FRMD4A: variants seen among roughly 807,000 people sequenced by gnomAD.
FRMD4A encodes FERM domain-containing protein 4A.
FRMD4A carries 29 observed loss-of-function variants against 129.1 expected under a neutral mutation model. The ratio of observed to expected loss-of-function variants is 0.22; its 90% CI spans 0.17 to 0.31. The LOEUF is 0.31. Among genes scored for constraint, FRMD4A ranks in the 10% least tolerant of loss-of-function variants. FRMD4A has a pLI of 1.00. For missense variants in FRMD4A, 1,272 were observed against 1,375.8 expected, an observed-to-expected ratio of 0.92 and a Z score of 1.19; for synonymous variants, 634 against 571.6, an observed-to-expected ratio of 1.11 and a Z score of -1.56.
At chr10:13,956,595 G>A (rs2095411494) in intron 2 of FRMD4A, among the ~76,000 whole-genome samples, 1 of 152,218 alleles carries the variant, frequency 6.6e-6, no homozygotes, top group African/African-American at 2.4e-5. Context: ...GTGTCAGTCT[G>A]ACACTGAAGT....
At chr10:13,739,359 A>G (rs1391632456) in intron 11 of FRMD4A, among the ~76,000 whole-genome samples, 1 of 152,230 alleles carries the variant, frequency 6.6e-6, no homozygotes, top group Non-Finnish European at 1.5e-5. Context: ...GCAACAGCAG[A>G]TTGACCAGAG....
At chr10:13,726,465 G>A (rs1244363342) in intron 12 of FRMD4A, among the ~76,000 whole-genome samples, 2 of 152,124 alleles carry the variant, frequency 1.3e-5, no homozygotes, top group Non-Finnish European at 2.9e-5. Context: ...GCAAAACAAC[G>A]AAGTAGGATC....
intron 2 of FRMD4A, among the ~76,000 whole-genome samples, chr10:13,938,119 T>C (rs958492191): frequency 6.6e-6 from 1 of 152,364 alleles, no homozygotes; most frequent in Non-Finnish European, 1.5e-5. Flanking sequence ...TTCTAATTTT[T>C]AAAGACCTTC....
chr10:14,286,722 G>A (rs1208296225), intron 2 of FRMD4A, among the ~76,000 whole-genome samples: 2 of 152,134 alleles, frequency 1.3e-5, no homozygotes, highest in South Asian at 2.1e-4. Context: ...CCAGCATGAG[G>A]AGTATGAAAA....
At chr10:13,941,110 T>C (rs909513153) in intron 2 of FRMD4A, among the ~76,000 whole-genome samples, 4 of 152,180 alleles carry the variant, frequency 2.6e-5, no homozygotes, top group African/African-American at 7.2e-5. Flanking sequence ...TTTGGCTGTG[T>C]CCCCACCCAA....
chr10:13,992,478 C>T (rs1053553799), intron 2 of FRMD4A, among the ~76,000 whole-genome samples: 3 of 152,306 alleles, frequency 2.0e-5, no homozygotes, highest in East Asian at 1.9e-4. Flanking sequence ...GCCTAAGTCT[C>T]GGGTCACATG....
At chr10:13,680,943 G>A (rs1191704937) in intron 15 of FRMD4A, among the ~76,000 whole-genome samples, 1 of 152,064 alleles carries the variant, frequency 6.6e-6, no homozygotes, top group African/African-American at 2.4e-5. Context: ...TGGAGGGAAA[G>A]ACACTGGATT....
intron 2 of FRMD4A, among the ~76,000 whole-genome samples, chr10:14,307,090 G>GTAT (rs1846379458): frequency 6.6e-6 from 1 of 152,186 alleles, no homozygotes; most frequent in Admixed American, 6.5e-5. Context: ...CCATTCTCAT[G>GTAT]TATTAGCCAT....
intron 2 of FRMD4A, among the ~76,000 whole-genome samples, chr10:14,072,806 G>A (rs908086920): frequency 3.3e-5 from 5 of 152,136 alleles, no homozygotes; most frequent in Non-Finnish European, 7.3e-5. Context: ...AGGAAAATGA[G>A]GTGAGATGGA....
chr10:14,070,114 C>T (rs192869444), intron 2 of FRMD4A, among the ~76,000 whole-genome samples: 4 of 152,250 alleles, frequency 2.6e-5, no homozygotes, highest in East Asian at 3.9e-4. Context: ...CAGTGTCTGT[C>T]TCTCTGTCCC....
intron 2 of FRMD4A, among the ~76,000 whole-genome samples, chr10:13,974,892 G>T (rs759776632): frequency 6.6e-6 from 1 of 152,232 alleles, no homozygotes; most frequent in Non-Finnish European, 1.5e-5. Flanking sequence ...GCCTCTGAGA[G>T]GCTGTGCGTG....
chr10:13,796,761 C>T (rs947031488), intron 4 of FRMD4A, among the ~76,000 whole-genome samples, 173 bp from the exon 5 acceptor site: 1 of 151,988 alleles, frequency 6.6e-6, no homozygotes, highest in African/African-American at 2.4e-5. Flanking sequence ...TGCTCTGTGA[C>T]CCAGGCTGGA....
At chr10:13,729,828 A>T (rs2090201302) in intron 12 of FRMD4A, among the ~76,000 whole-genome samples, 1 of 152,132 alleles carries the variant, frequency 6.6e-6, no homozygotes, top group Non-Finnish European at 1.5e-5. Flanking sequence ...ACAAGGACTG[A>T]TGTTGCTATT....
chr10:13,670,327 C>T lies in FRMD4A; in HGVS notation c.1374+79G>A, dbSNP rs975173843. On this transcript the variant is annotated intron_variant, in intron 17 of 24. Coordinates refer to ENST00000357447, the MANE Select transcript of FRMD4A (RefSeq NM_018027.5). The stretch of plus-strand genomic sequence containing the variant: ...TTAGGCAGAAATGAAGAAATTGGTA[C>T]AGAAAACCTGGAAGGCCTGACCAAT... 2.7e-6 allele frequency: 4 copies of T among 1,461,076 alleles called. No homozygotes were observed. In the African/African-American group the frequency reaches 4.2e-5, roughly 15 times the overall value. The allele number at this position is 1,461,076 out of a possible 1,614,324, so 90.5% of individuals were successfully genotyped here.
intron 2 of FRMD4A, among the ~76,000 whole-genome samples, chr10:14,088,888 G>C (rs962530876): frequency 6.6e-6 from 1 of 152,074 alleles, no homozygotes; most frequent in African/African-American, 2.4e-5. Flanking sequence ...AGGCAGTCAC[G>C]GTCGGGGCTC....
chr10:14,225,581 T>C lies in FRMD4A; in HGVS notation c.45+104477A>G, dbSNP rs144928353. Among the ~76,000 whole-genome samples the C allele has an allele frequency of 2.2e-4, 34 of 152,342 alleles. No homozygotes were observed. In the East Asian group the frequency reaches 6.2e-3, roughly 28 times the overall value. On this transcript the variant is annotated intron_variant, in intron 2 of 24. Coordinates refer to ENST00000357447, the MANE Select transcript of FRMD4A (RefSeq NM_018027.5). ...CAGAGGGCAGCCAGCTGACAGCTGATGGGACAGAGGGATGTACAGTCTGCT... is the reference window on the plus strand; with the variant it reads ...CAGAGGGCAGCCAGCTGACAGCTGACGGGACAGAGGGATGTACAGTCTGCT...
At chr10:13,947,949 G>A (rs721284) in intron 2 of FRMD4A, among the ~76,000 whole-genome samples, 87,569 of 151,650 alleles carry the variant, frequency 0.58, 25,752 homozygotes, top group Non-Finnish European at 0.64. Context: ...CTGTAATTCC[G>A]GCACTGAGAG....
chr10:13,982,642 G>A (rs1487325218), intron 2 of FRMD4A, among the ~76,000 whole-genome samples: 2 of 152,172 alleles, frequency 1.3e-5, no homozygotes, highest in East Asian at 1.9e-4. Context: ...GCCTTACTGG[G>A]TCTTCCCACT....
chr10:13,870,361 T>G (rs776960096), intron 2 of FRMD4A, among the ~76,000 whole-genome samples: 54 of 152,170 alleles, frequency 3.5e-4, no homozygotes, highest in Non-Finnish European at 7.3e-4. Flanking sequence ...TTCCCATCGC[T>G]CCTCTCAGTT....
Sources: gnomAD v4.1 joint callset for allele counts (sites outside exome capture counted in the v4.1 genomes callset) on GRCh38, gnomAD v4.1.1 for gene constraint, MANE v1.5 for transcripts, NCBI Gene and HGNC (gene_info 2026-07-23, HGNC 2026-07-21) for gene names.